The following ZFP30 variants were observed in gnomAD, a reference collection of about 807,000 sequenced individuals.
ZFP30 encodes ZFP30 zinc finger protein, also known as zinc finger protein 30 homolog.
Under a neutral mutation model 12.3 loss-of-function variants are expected in ZFP30, and 16 were observed. The observed-to-expected ratio is 1.30, with a 90% CI of 0.88 to 1.98. ZFP30 has a LOEUF of 1.98. Ranked by LOEUF, ZFP30 falls within the 30% of genes most tolerant of loss-of-function variation. The pLI, the probability that ZFP30 is intolerant of heterozygous loss-of-function variation, is 0.00. For missense variants in ZFP30, 560 were observed against 611.2 expected (o/e 0.92, Z 0.88); for synonymous variants, 172 against 201.0 (o/e 0.86, Z 1.22).
chr19:37,645,645 T>C (rs1348238111), intron 3 of ZFP30, among the ~76,000 whole-genome samples: 2 of 151,234 alleles, frequency 1.3e-5, no homozygotes, highest in Admixed American at 6.6e-5. Context: ...TTCGGGTAAT[T>C]ATCAGAATTT....
At chr19:37,636,652 T>C (rs1219005377) in intron 5 of ZFP30, among the ~76,000 whole-genome samples, 2 of 152,062 alleles carry the variant, frequency 1.3e-5, no homozygotes, top group Non-Finnish European at 2.9e-5. Flanking sequence ...TCCCCTTTGC[T>C]GTCCATGTCC....
chr19:37,635,727 A>G lies in ZFP30; in HGVS notation c.814T>C (p.Cys272Arg). The change falls in exon 6 of 6, where the codon TGT becomes CGT. Residue 272 changes from cysteine (C) to arginine (R), a missense_variant. Transcript: ENST00000684514. ...RIHTGEKPYE[C>R]KECGKAFRQY... is the part of the protein sequence containing the mutation. The stretch of plus-strand genomic sequence containing the variant: ...CTAAAGGCCTTCCCACATTCTTTAC[A>G]TTCATAGGGTTTCTCACCCGTGTGA... 4.3e-6 allele frequency: 7 copies of G among 1,614,222 alleles called. No individual in the cohort carries two copies. Among genetic ancestry groups the G allele is most frequent in the Non-Finnish European group, 5.9e-6 (7 of 1,180,038 alleles).
rs199811175 is a variant in ZFP30 at position 37,634,957 on chromosome 19, G to A, written c.*24C>T. 3,226 of 1,506,890 alleles carry A rather than the reference G, an allele frequency of 2.1e-3. 4 individuals carry two copies. Among genetic ancestry groups the A allele is most frequent in the Non-Finnish European group, 2.6e-3 (2,986 of 1,131,652 alleles). The allele number at this position is 1,506,890 out of a possible 1,614,324, so 93.3% of individuals were successfully genotyped here. The stretch of plus-strand genomic sequence containing the variant: ...ACTTCCTATGCTCAACATAAAATTC[G>A]CAAAGGAAGAGTTCTAATAATTATT... On this transcript the variant is annotated 3_prime_UTR_variant, in exon 6 of 6. Coordinates refer to ENST00000684514, the MANE Select transcript of ZFP30 (RefSeq NM_001320669.3).
intron 2 of ZFP30, among the ~76,000 whole-genome samples, chr19:37,648,801 C>A (rs2044591616): frequency 6.6e-6 from 1 of 152,182 alleles, no homozygotes. Flanking sequence ...TTCCCCAAGG[C>A]TTAACTCAGA....
Position 37,636,215 on chromosome 19 carries a change from A to C in ZFP30, c.326T>G (p.Ile109Ser), listed in dbSNP as rs751316076. The C allele has an allele frequency of 2.5e-6, 4 of 1,614,094 alleles. No individual in the cohort carries two copies. Among genetic ancestry groups the C allele is most frequent in the African/African-American group, 1.3e-5 (1 of 75,018 alleles). Residue 109 changes from isoleucine to serine, a missense_variant, in exon 6 of 6, where the codon ATT becomes AGT. Coordinates refer to ENST00000684514, the MANE Select transcript of ZFP30 (RefSeq NM_001320669.3). Reference protein sequence around the residue: ...NLSQWKVMERIKSCGLEEQES... With the variant: ...NLSQWKVMERSKSCGLEEQES... ...TTGTTCTTCAAGTCCACAGCTTTTAATTCTTTCCATTACCTTCCACTGAGA... is the reference window on the plus strand; with the variant it reads ...TTGTTCTTCAAGTCCACAGCTTTTACTTCTTTCCATTACCTTCCACTGAGA...
intron 4 of ZFP30, among the ~76,000 whole-genome samples, chr19:37,643,670 C>A (rs1472915008): frequency 6.6e-6 from 1 of 152,038 alleles, no homozygotes; most frequent in Non-Finnish European, 1.5e-5. Flanking sequence ...AACAGTAATG[C>A]GTATATATAG....
rs1369041341 is a variant in ZFP30, at chr19:37,647,809, C to T, written c.9+5G>A. Reference sequence around the variant, plus strand: ...ATTCCAAAGTAGAGAGAAATTCCAACTTACACGAGCCATGATTTTAGAACT... The same window carrying T: ...ATTCCAAAGTAGAGAGAAATTCCAATTTACACGAGCCATGATTTTAGAACT... On this transcript the variant is annotated splice_donor_5th_base_variant and intron_variant, in intron 3 of 5. Transcript: ENST00000684514. 5 of 1,614,128 alleles carry T rather than the reference C, an allele frequency of 3.1e-6. No homozygotes were observed. Among genetic ancestry groups the T allele is most frequent in the Non-Finnish European group, 4.2e-6 (5 of 1,180,030 alleles).
Position 37,640,760 on chromosome 19 carries a change from T to TAATAA in ZFP30, c.235+2500_235+2504dup, listed in dbSNP as rs528163698. Among the ~76,000 whole-genome samples, 122 of 151,578 alleles carry TAATAA rather than the reference T, an allele frequency of 8.0e-4. 4 individuals are homozygous for TAATAA. In the South Asian group the frequency reaches 0.022, roughly 27 times the overall value. ...TAAAATAAAATAAAGTAAAATAAAA[T>TAATAA]AATAAAATAAAATAAAATAGGGAGC... On this transcript the variant is annotated intron_variant, in intron 5 of 5. Transcript: ENST00000684514.
intron 4 of ZFP30, 34 bp from the exon 5 acceptor site, chr19:37,643,397 T>G: frequency 7.0e-7 from 1 of 1,422,864 alleles, no homozygotes; most frequent in Non-Finnish European, 9.3e-7. Context: ...AATAAAGAAT[T>G]TATTTAAGGC....
intron 3 of ZFP30, 70 bp downstream of exon 3, chr19:37,647,744 A>G: frequency 6.3e-7 from 1 of 1,590,836 alleles, no homozygotes; most frequent in Non-Finnish European, 8.6e-7. Flanking sequence ...TTGCAGAATA[A>G]CAAATGAGAA....
chr19:37,655,973 G>T (rs897536720), upstream of ZFP30: 3 of 152,378 alleles, frequency 2.0e-5, no homozygotes, highest in Admixed American at 6.5e-5. Context: ...GGATCCCGAT[G>T]GGGATGGAGT....
chr19:37,653,536 T>C (rs1225670063), intron 2 of ZFP30, among the ~76,000 whole-genome samples: 2 of 152,238 alleles, frequency 1.3e-5, no homozygotes, highest in African/African-American at 2.4e-5. Flanking sequence ...ACAATACTTC[T>C]CAATATTACA....
Position 37,632,418 on chromosome 19 carries a change from T to C in ZFP30, c.*2563A>G, listed in dbSNP as rs1168235970. The C allele has an allele frequency of 6.6e-6, 1 of 152,156 alleles. No homozygotes were observed. Among genetic ancestry groups the C allele is most frequent in the East Asian group, 1.9e-4 (1 of 5,192 alleles). The allele number at this position is 152,156 out of a possible 1,614,324, so 9.4% of individuals were successfully genotyped here. ...ATAGCTGTAGCTGTGTAATCTTTCA[T>C]ATTTCTGTGATCAAAACTGCAAAGG... On this transcript the variant is annotated 3_prime_UTR_variant, in exon 6 of 6. Transcript: ENST00000684514.
intron 5 of ZFP30, among the ~76,000 whole-genome samples, chr19:37,642,202 T>C (rs901738889): frequency 6.6e-6 from 1 of 152,210 alleles, no homozygotes; most frequent in Non-Finnish European, 1.5e-5. Flanking sequence ...AAGAGAAACA[T>C]ACCTCCATCT....
At position 37,632,702 on chromosome 19, in the gene ZFP30, C is replaced by A. The variant is rs868610878; in HGVS notation, c.*2279G>T. On this transcript the variant is annotated 3_prime_UTR_variant, in exon 6 of 6. Coordinates refer to ENST00000684514, the MANE Select transcript of ZFP30 (RefSeq NM_001320669.3). ...TTTAAAATAACTAAGTCTTCAGAAT[C>A]TTGTGTTTTACAAAAAAACACCATT... 4 of 152,106 alleles carry A rather than the reference C, an allele frequency of 2.6e-5. No individual in the cohort carries two copies. The highest frequency in any genetic ancestry group is 9.7e-5 in the African/African-American group (4 of 41,422). The allele number at this position is 152,106 out of a possible 1,614,324, so 9.4% of individuals were successfully genotyped here. A position where few individuals can be genotyped will look rare whatever the true frequency, so the allele number is the denominator to read the frequency against.
intron 5 of ZFP30, among the ~76,000 whole-genome samples, chr19:37,642,068 T>C (rs1466290776): frequency 1.3e-5 from 2 of 152,228 alleles, no homozygotes; most frequent in African/African-American, 2.4e-5. Flanking sequence ...CAACACCCGA[T>C]TGCCTCTATT....
chr19:37,636,773 C>T (rs893953071), intron 5 of ZFP30, among the ~76,000 whole-genome samples: 1 of 151,284 alleles, frequency 6.6e-6, no homozygotes, highest in African/African-American at 2.4e-5. Context: ...TGCAGTGGCT[C>T]GATCTCAGCT....
At chr19:37,638,741 A>G (rs1307785019) in intron 5 of ZFP30, among the ~76,000 whole-genome samples, 2 of 152,214 alleles carry the variant, frequency 1.3e-5, no homozygotes, top group Admixed American at 1.3e-4. Flanking sequence ...AACAATCTAT[A>G]CTGTACAATT....
intron 5 of ZFP30, among the ~76,000 whole-genome samples, chr19:37,640,257 T>C (rs948881730): frequency 6.6e-6 from 1 of 152,032 alleles, no homozygotes; most frequent in Non-Finnish European, 1.5e-5. Context: ...AGTACTTTAA[T>C]CAAGACAGAA....
Sources: allele counts gnomAD v4.1 joint callset (sites outside exome capture counted in the v4.1 genomes callset), GRCh38; gene constraint gnomAD v4.1.1; transcripts MANE v1.5; gene names NCBI Gene and HGNC (gene_info 2026-07-23, HGNC 2026-07-21).